SETBP1: variants seen among roughly 807,000 people sequenced by gnomAD.
The protein encoded by SETBP1 is SET binding protein 1.
SETBP1 carries 9 observed loss-of-function variants against 101.0 expected under a neutral mutation model. That is an observed-to-expected ratio of 0.09 (90% CI 0.05 to 0.16). SETBP1 has a LOEUF of 0.16. SETBP1 is among the 10% of genes least tolerant of loss of function. SETBP1 has a pLI of 1.00. For synonymous variants in SETBP1, 818 were observed against 788.5 expected (o/e 1.04, Z -0.63); for missense variants, 1,858 against 2,033.8 (o/e 0.91, Z 1.66).
intron 4 of SETBP1, among the ~76,000 whole-genome samples, chr18:45,016,467 G>A (rs182402703): frequency 1.3e-3 from 203 of 152,214 alleles, no homozygotes; most frequent in Non-Finnish European, 2.4e-3. Flanking sequence ...GTTCCCTGTC[G>A]CGGCGGAACC....
At chr18:44,777,612 C>G (rs894718077) in intron 2 of SETBP1, among the ~76,000 whole-genome samples, 1 of 152,182 alleles carries the variant, frequency 6.6e-6, no homozygotes, top group East Asian at 1.9e-4. Context: ...ACCACCCTTT[C>G]CCCAGGCTTC....
intron 1 of SETBP1, among the ~76,000 whole-genome samples, chr18:44,689,002 C>T (rs2068883760): frequency 6.6e-6 from 1 of 152,196 alleles, no homozygotes; most frequent in Non-Finnish European, 1.5e-5. Context: ...AGTGTATCTA[C>T]AGATACGTGC....
chr18:44,911,770 T>C (rs1207694795), intron 3 of SETBP1, among the ~76,000 whole-genome samples: 1 of 152,172 alleles, frequency 6.6e-6, no homozygotes, highest in Non-Finnish European at 1.5e-5. Context: ...CCATACCTGT[T>C]CCCTAATAGA....
At chr18:44,934,874 A>C (rs973975775) in intron 3 of SETBP1, among the ~76,000 whole-genome samples, 2 of 152,202 alleles carry the variant, frequency 1.3e-5, no homozygotes, top group Non-Finnish European at 2.9e-5. Context: ...GACGGAAGAC[A>C]GTCCACAAGT....
intron 1 of SETBP1, among the ~76,000 whole-genome samples, chr18:44,691,578 G>A (rs1460123876): frequency 1.3e-5 from 2 of 152,148 alleles, no homozygotes; most frequent in African/African-American, 4.8e-5. Flanking sequence ...AGCTACAGCT[G>A]GAACTGTTGG....
intron 4 of SETBP1, among the ~76,000 whole-genome samples, chr18:44,995,821 C>T (rs573862434): frequency 2.6e-5 from 4 of 152,084 alleles, no homozygotes; most frequent in African/African-American, 4.8e-5. Flanking sequence ...CTCCCAAGAG[C>T]GCTTGTTGTA....
intron 2 of SETBP1, among the ~76,000 whole-genome samples, chr18:44,775,913 C>T (rs530807380): frequency 1.3e-5 from 2 of 152,328 alleles, no homozygotes; most frequent in African/African-American, 4.8e-5. Flanking sequence ...ACTTTGATCT[C>T]TACATAAACT....
intron 3 of SETBP1, among the ~76,000 whole-genome samples, chr18:44,937,392 T>G (rs1384530566): frequency 6.9e-6 from 1 of 145,186 alleles, no homozygotes; most frequent in Non-Finnish European, 1.5e-5. Context: ...GAGGCGGAGC[T>G]TGCAGTGAGC....
chr18:44,993,643 T>C (rs182088537), intron 4 of SETBP1, among the ~76,000 whole-genome samples: 10 of 152,154 alleles, frequency 6.6e-5, no homozygotes, highest in African/African-American at 2.4e-4. Context: ...GAAAAATATG[T>C]TGATGAATAG....
chr18:44,783,914 A>G (rs1400702390), intron 2 of SETBP1, among the ~76,000 whole-genome samples: 1 of 152,190 alleles, frequency 6.6e-6, no homozygotes, highest in African/African-American at 2.4e-5. Flanking sequence ...TTATGCCTAT[A>G]TTGCAAATTT....
rs548193127 is a variant in SETBP1 at position 44,807,891 on chromosome 18, G to A, written c.487-61339G>A. The stretch of plus-strand genomic sequence containing the variant: ...GGGGGAAGTGACAAGCTGGACATGT[G>A]GGCTGGGTCCTGAGGCTGCACAGCC... On this transcript the variant is annotated intron_variant, in intron 2 of 5. Coordinates refer to ENST00000649279, the MANE Select transcript of SETBP1 (RefSeq NM_015559.3). Among the ~76,000 whole-genome samples, 29 of 152,250 alleles carry A rather than the reference G, an allele frequency of 1.9e-4. 1 individual carries two copies. In the South Asian group the frequency reaches 3.9e-3, roughly 21 times the overall value.
In SETBP1 at chr18:45,025,060, TAAC is replaced by T. The variant is rs1411755502; in HGVS notation, c.4001-13422_4001-13420del. On this transcript the variant is annotated intron_variant, in intron 4 of 5. Coordinates refer to ENST00000649279, the MANE Select transcript of SETBP1 (RefSeq NM_015559.3). The stretch of plus-strand genomic sequence containing the variant: ...TTGCATTAAATTTCCACTAACAAGA[TAAC>T]AAATTAATTGTCTGTATTACTGTAC... 2.6e-5 allele frequency among the ~76,000 whole-genome samples: 4 copies of T among 152,192 alleles called. No homozygotes were observed. The East Asian group carries it at 7.7e-4, about 29-fold the overall frequency.
At chr18:44,867,346 T>C (rs537538135) in intron 2 of SETBP1, among the ~76,000 whole-genome samples, 6 of 152,290 alleles carry the variant, frequency 3.9e-5, no homozygotes, top group Admixed American at 6.5e-5. Flanking sequence ...ATCTTTGCTC[T>C]TGCACCTGCT....
chr18:44,708,547 G>A (rs1410936884), intron 2 of SETBP1, among the ~76,000 whole-genome samples: 1 of 152,158 alleles, frequency 6.6e-6, no homozygotes, highest in Non-Finnish European at 1.5e-5. Context: ...AGCTAAAGCA[G>A]CAGGGAAGGT....
At chr18:44,915,262 A>G (rs1039964090) in intron 3 of SETBP1, among the ~76,000 whole-genome samples, 1 of 152,200 alleles carries the variant, frequency 6.6e-6, no homozygotes, top group African/African-American at 2.4e-5. Context: ...CAGAAATGTC[A>G]TTAAGGACTG....
intron 3 of SETBP1, among the ~76,000 whole-genome samples, chr18:44,915,644 G>T (rs2070409277): frequency 1.3e-5 from 2 of 152,200 alleles, no homozygotes; most frequent in Admixed American, 1.3e-4. Context: ...ATTCAGAGAA[G>T]GTTCCAGGCA....
intron 3 of SETBP1, among the ~76,000 whole-genome samples, chr18:44,940,405 T>C (rs1272209186): frequency 1.3e-5 from 2 of 152,206 alleles, no homozygotes; most frequent in Non-Finnish European, 2.9e-5. Context: ...GGTTTAAGTT[T>C]ACTATGTTGC....
chr18:45,006,440 CT>C (rs1365245179), intron 4 of SETBP1, among the ~76,000 whole-genome samples: 1 of 152,162 alleles, frequency 6.6e-6, no homozygotes, highest in Non-Finnish European at 1.5e-5. Context: ...AATGTATTGT[CT>C]CACAGTTCTG....
intron 2 of SETBP1, among the ~76,000 whole-genome samples, chr18:44,713,530 A>G (rs2069392089): frequency 6.6e-6 from 1 of 152,098 alleles, no homozygotes; most frequent in Admixed American, 6.5e-5. Context: ...CTCTTCTAAA[A>G]GGTGTAAGTG....
Sources: gnomAD v4.1 joint callset for allele counts (sites outside exome capture counted in the v4.1 genomes callset) on GRCh38, gnomAD v4.1.1 for gene constraint, MANE v1.5 for transcripts, NCBI Gene and HGNC (gene_info 2026-07-23, HGNC 2026-07-21) for gene names.